Variants in NYAP2 observed in about 807,000 individuals in gnomAD.
NYAP2 encodes the protein neuronal tyrosine-phosphorylated phosphoinositide-3-kinase adaptor 2.
A neutral mutation model predicts 50.4 loss-of-function variants in NYAP2; 23 were observed. The ratio of observed to expected loss-of-function variants is 0.46; its 90% confidence interval spans 0.33 to 0.65. The LOEUF is 0.65. Ranked by LOEUF, NYAP2 falls within the 30% of genes least tolerant of loss-of-function variation. The pLI is 0.02. For synonymous variants in NYAP2, 394 were observed against 365.2 expected (o/e 1.08, Z -0.90); for missense variants, 885 against 861.0 (o/e 1.03, Z -0.35).
the NYAP2 span, chr2:225,703,589 C>T: frequency 1.3e-5 from 2 of 151,648 alleles, no homozygotes; most frequent in African/African-American, 4.8e-5. Flanking sequence ...CAATATTTTA[C>T]AATACTTTTT....
chr2:225,580,472 T>C (rs1208012809), intron 4 of NYAP2, among the ~76,000 whole-genome samples: 1 of 152,164 alleles, frequency 6.6e-6, no homozygotes, highest in Non-Finnish European at 1.5e-5. Flanking sequence ...GAAAATAACA[T>C]CTAGTTCTAC....
exon 3 of NYAP2, chr2:225,408,913 T>C (rs1463202273): frequency 1.2e-6 from 2 of 1,610,838 alleles, no homozygotes; most frequent in Non-Finnish European, 8.5e-7. Context: ...GTTCTAATCC[T>C]GAGGAAGACC....
intron 3 of NYAP2, among the ~76,000 whole-genome samples, chr2:225,464,134 T>G: frequency 6.6e-6 from 1 of 152,080 alleles, no homozygotes; most frequent in East Asian, 1.9e-4. Flanking sequence ...TGGTGAACAG[T>G]AGGGAGACCC....
chr2:225,499,334 T>G lies in NYAP2; in HGVS notation c.222-14037T>G, dbSNP rs542564612. Among the ~76,000 whole-genome samples, 22 of 151,802 alleles carry G rather than the reference T, an allele frequency of 1.4e-4. No individual in the cohort carries two copies. In the East Asian group the frequency reaches 3.5e-3, roughly 24 times the overall value. ...GAAAAGGTTACTTTTTTTTTTTTTT[T>G]GACGGAGTCTTGCTCTGTCACCCAG... On this transcript the variant is annotated intron_variant, in intron 3 of 6. Transcript: ENST00000636099.
At chr2:225,443,173 A>G (rs1051222251) in intron 3 of NYAP2, among the ~76,000 whole-genome samples, 3 of 152,180 alleles carry the variant, frequency 2.0e-5, no homozygotes, top group Admixed American at 6.5e-5. Flanking sequence ...ACACAGCCAA[A>G]CCATATCACA....
chr2:225,672,114 A>C, the NYAP2 span, among the ~76,000 whole-genome samples: 1 of 152,138 alleles, frequency 6.6e-6, no homozygotes, highest in Admixed American at 6.6e-5. Context: ...TTAACTCCTA[A>C]CAAGAGAGTC....
intron 3 of NYAP2, among the ~76,000 whole-genome samples, chr2:225,511,996 T>C (rs1690826762): frequency 6.6e-6 from 1 of 152,204 alleles, no homozygotes; most frequent in South Asian, 2.1e-4. Flanking sequence ...TTTGTAATGG[T>C]ATTTTTAAAA....
At chr2:225,547,982 T>G (rs1051423977) in intron 4 of NYAP2, among the ~76,000 whole-genome samples, 2 of 152,156 alleles carry the variant, frequency 1.3e-5, no homozygotes, top group African/African-American at 2.4e-5. Context: ...TACATATGCA[T>G]TGAAGTTGGC....
At chr2:225,605,144 T>A (rs1460939597) in intron 5 of NYAP2, among the ~76,000 whole-genome samples, 1 of 152,118 alleles carries the variant, frequency 6.6e-6, no homozygotes. Flanking sequence ...TTTCTCCCCA[T>A]GCATTAATAT....
intron 4 of NYAP2, among the ~76,000 whole-genome samples, chr2:225,564,241 C>T (rs1691923763): frequency 1.3e-5 from 2 of 151,816 alleles, no homozygotes. Flanking sequence ...TAACACTTTT[C>T]CCTGAAATTA....
At chr2:225,670,614 A>G in the NYAP2 span, among the ~76,000 whole-genome samples, 6 of 113,008 alleles carry the variant, frequency 5.3e-5, no homozygotes, top group East Asian at 1.3e-3. Context: ...CCAAAAAAAA[A>G]AAAAAAAAAA....
At chr2:225,676,339 T>C in the NYAP2 span, among the ~76,000 whole-genome samples, 1 of 152,228 alleles carries the variant, frequency 6.6e-6, no homozygotes, top group African/African-American at 2.4e-5. Flanking sequence ...TGGTGAGAGG[T>C]ACGGGTCTAG....
At chr2:225,517,066 A>T (rs947923013) in intron 4 of NYAP2, among the ~76,000 whole-genome samples, 1 of 151,448 alleles carries the variant, frequency 6.6e-6, no homozygotes, top group Non-Finnish European at 1.5e-5. Context: ...TGTTGAGCAC[A>T]AACAAAAAAA....
intron 4 of NYAP2, among the ~76,000 whole-genome samples, chr2:225,578,261 A>G (rs1274165592): frequency 1.3e-5 from 2 of 152,000 alleles, no homozygotes. Context: ...AGTTGGATCA[A>G]TAATAAGAAA....
chr2:225,438,940 A>G lies in NYAP2; in HGVS notation c.221+29839A>G, dbSNP rs545667327. Among the ~76,000 whole-genome samples, 7 of 152,338 alleles carry G rather than the reference A, an allele frequency of 4.6e-5. No homozygotes were observed. In the South Asian group the frequency reaches 1.5e-3, roughly 32 times the overall value. Reference sequence around the variant, plus strand: ...CAAGTATAATGTGTTTAAGAGACTCAAAGAAGTGGTGTGACTAAAGGAGAA... The same window carrying G: ...CAAGTATAATGTGTTTAAGAGACTCGAAGAAGTGGTGTGACTAAAGGAGAA... On this transcript the variant is annotated intron_variant, in intron 3 of 6. Transcript: ENST00000636099.
At chr2:225,626,748 A>T (rs1275186806) in intron 5 of NYAP2, among the ~76,000 whole-genome samples, 169 bp from the exon 6 acceptor site, 2 of 152,172 alleles carry the variant, frequency 1.3e-5, no homozygotes, top group African/African-American at 4.8e-5. Context: ...ACTCAGAAAA[A>T]AGGCCCCCTG....
chr2:225,627,610 C>G (rs942026406), intron 6 of NYAP2, among the ~76,000 whole-genome samples: 1 of 152,122 alleles, frequency 6.6e-6, no homozygotes, highest in African/African-American at 2.4e-5. Context: ...AAATCTTGAG[C>G]TGAAGGTGAT....
intron 4 of NYAP2, among the ~76,000 whole-genome samples, chr2:225,569,016 G>T (rs1474290472): frequency 6.6e-6 from 1 of 152,134 alleles, no homozygotes; most frequent in Non-Finnish European, 1.5e-5. Flanking sequence ...AACCTGATGG[G>T]GTACAGATGT....
chr2:225,653,009 T>G (rs752950209), exon 7 of NYAP2: 1 of 152,206 alleles, frequency 6.6e-6, no homozygotes, highest in Non-Finnish European at 1.5e-5. Flanking sequence ...GTTAAATGCC[T>G]TTATAACTAA....
Sources: gnomAD v4.1 joint callset for allele counts (sites outside exome capture counted in the v4.1 genomes callset) on GRCh38, gnomAD v4.1.1 for gene constraint, MANE v1.5 for transcripts, NCBI Gene and HGNC (gene_info 2026-07-23, HGNC 2026-07-21) for gene names.